Variants in TNFSF4 observed in about 807,000 individuals in gnomAD.
The protein encoded by TNFSF4 is tumor necrosis factor ligand superfamily member 4.
A neutral mutation model predicts 7.3 loss-of-function variants in TNFSF4; 4 were observed. The ratio of observed to expected loss-of-function variants is 0.55; its 90% confidence interval spans 0.27 to 1.25. The LOEUF (loss-of-function observed/expected upper bound fraction) is 1.25. Ranked by LOEUF, TNFSF4 falls within the 50% of genes most tolerant of loss-of-function variation. The pLI is 0.12. For missense variants in TNFSF4, 181 were observed against 208.8 expected, an observed-to-expected ratio of 0.87 and a Z score of 0.82; for synonymous variants, 76 against 83.7, an observed-to-expected ratio of 0.91 and a Z score of 0.50.
At chr1:173,412,415 A>G in the TNFSF4 span, among the ~76,000 whole-genome samples, 1 of 152,260 alleles carries the variant, frequency 6.6e-6, no homozygotes, top group Non-Finnish European at 1.5e-5. Flanking sequence ...CAGAGTGTGC[A>G]AAGATTTTCT....
In TNFSF4 at chr1:173,183,888, C is replaced by A. The variant is rs766051506; in HGVS notation, c.*2628G>T. ...GGGACCTGCCCAGTATACTTAAGAA[C>A]AAATTATGATTTGGATCGGGATTGG... On this transcript the variant is annotated 3_prime_UTR_variant, in exon 3 of 3. Transcript: ENST00000281834. 3.9e-5 allele frequency: 6 copies of A among 152,096 alleles called. No homozygotes were observed. The highest frequency in any genetic ancestry group is 7.2e-5 in the African/African-American group (3 of 41,404). 9.4% of individuals were successfully genotyped at this position (152,096 alleles called of 1,614,324 possible). A position where few individuals can be genotyped will look rare whatever the true frequency, so the allele number is the denominator to read the frequency against.
downstream of TNFSF4, among the ~76,000 whole-genome samples, chr1:173,181,141 T>G (rs1649049719): frequency 6.6e-6 from 1 of 152,168 alleles, no homozygotes; most frequent in African/African-American, 2.4e-5. Context: ...AAAAATTACT[T>G]AAAGGGTGTA....
the TNFSF4 span, among the ~76,000 whole-genome samples, chr1:173,325,965 A>G: frequency 2.6e-5 from 4 of 152,144 alleles, no homozygotes; most frequent in Non-Finnish European, 4.4e-5. Context: ...CATTCCTTCT[A>G]AAACTATTCC....
At chr1:173,178,903 T>C (rs369955783), downstream of TNFSF4, among the ~76,000 whole-genome samples, 1 of 152,126 alleles carries the variant, frequency 6.6e-6, no homozygotes, top group African/African-American at 2.4e-5. Context: ...CAGACTTGAC[T>C]GTAGAAAGGA....
chr1:173,299,884 T>C, the TNFSF4 span, among the ~76,000 whole-genome samples: 2 of 151,888 alleles, frequency 1.3e-5, no homozygotes, highest in South Asian at 2.1e-4. Flanking sequence ...TTTCTTGTAG[T>C]GTCAGGGGTA....
intron 1 of TNFSF4, among the ~76,000 whole-genome samples, chr1:173,195,197 T>G (rs542905681): frequency 1.1e-4 from 16 of 152,330 alleles, no homozygotes; most frequent in Admixed American, 4.6e-4. Flanking sequence ...TAAATTAACT[T>G]GAATTGTTTT....
chr1:173,250,463 GTTT>G, the TNFSF4 span, among the ~76,000 whole-genome samples: 7 of 139,918 alleles, frequency 5.0e-5, no homozygotes, highest in Admixed American at 3.6e-4. Flanking sequence ...TTGTTTTTTT[GTTT>G]TTTTTTTTTT....
chr1:173,172,948 C>T, the TNFSF4 span, among the ~76,000 whole-genome samples: 5 of 152,048 alleles, frequency 3.3e-5, no homozygotes, highest in Admixed American at 1.3e-4. Flanking sequence ...ACAATCATGA[C>T]GGCAGGGGAA....
chr1:173,285,313 T>C, the TNFSF4 span, among the ~76,000 whole-genome samples: 1 of 152,154 alleles, frequency 6.6e-6, no homozygotes, highest in Non-Finnish European at 1.5e-5. Context: ...TGCTTCCTCA[T>C]TCATAGGAAT....
At chr1:173,192,468 C>T (rs189330814) in intron 1 of TNFSF4, among the ~76,000 whole-genome samples, 11 of 152,154 alleles carry the variant, frequency 7.2e-5, no homozygotes, top group East Asian at 1.9e-4. Context: ...AATCTGAAAA[C>T]GGTATATACT....
At chr1:173,435,108 T>C in the TNFSF4 span, among the ~76,000 whole-genome samples, 1 of 152,144 alleles carries the variant, frequency 6.6e-6, no homozygotes, top group African/African-American at 2.4e-5. Context: ...TATCTGATAG[T>C]CCTGATCCTA....
At chr1:173,192,748 T>C (rs1171508988) in intron 1 of TNFSF4, among the ~76,000 whole-genome samples, 1 of 152,220 alleles carries the variant, frequency 6.6e-6, no homozygotes, top group East Asian at 1.9e-4. Context: ...TCTTATCTCC[T>C]CTACTCAAGA....
At chr1:173,436,137 C>T in the TNFSF4 span, among the ~76,000 whole-genome samples, 1 of 152,178 alleles carries the variant, frequency 6.6e-6, no homozygotes, top group African/African-American at 2.4e-5. Context: ...AGTTTGTTAT[C>T]TCCCAGAAGC....
chr1:173,298,823 G>C, the TNFSF4 span, among the ~76,000 whole-genome samples: 6 of 151,902 alleles, frequency 3.9e-5, no homozygotes, highest in Admixed American at 3.9e-4. Flanking sequence ...GCAGATTTTG[G>C]TAAGGACCCA....
chr1:173,379,775 C>T, the TNFSF4 span, among the ~76,000 whole-genome samples: 4 of 152,324 alleles, frequency 2.6e-5, no homozygotes, highest in Non-Finnish European at 4.4e-5. Context: ...GCAGGCCAAT[C>T]ACCCAGTAGG....
the TNFSF4 span, among the ~76,000 whole-genome samples, chr1:173,416,902 T>C: frequency 6.6e-6 from 1 of 152,222 alleles, no homozygotes; most frequent in South Asian, 2.1e-4. Flanking sequence ...CGGCCACAAA[T>C]GTTATTTTTA....
chr1:173,377,044 A>T, the TNFSF4 span, among the ~76,000 whole-genome samples: 1 of 152,188 alleles, frequency 6.6e-6, no homozygotes, highest in Non-Finnish European at 1.5e-5. Context: ...GACACATCTG[A>T]ACATCTGAAG....
At chr1:173,232,559 G>A in the TNFSF4 span, among the ~76,000 whole-genome samples, 1 of 152,126 alleles carries the variant, frequency 6.6e-6, no homozygotes, top group East Asian at 1.9e-4. Flanking sequence ...TTTTCAAAGG[G>A]AATGCTTCCA....
the TNFSF4 span, among the ~76,000 whole-genome samples, chr1:173,236,323 T>C: frequency 2.0e-5 from 3 of 151,868 alleles, no homozygotes; most frequent in African/African-American, 7.3e-5. Flanking sequence ...CAGCTTCTGA[T>C]CCTTGGTTCC....
Sources: allele counts gnomAD v4.1 joint callset (sites outside exome capture counted in the v4.1 genomes callset), GRCh38; gene constraint gnomAD v4.1.1; transcripts MANE v1.5; gene names NCBI Gene and HGNC (gene_info 2026-07-23, HGNC 2026-07-21).